Variants in C4orf36 observed in about 807,000 individuals in gnomAD.
The protein encoded by C4orf36 is chromosome 4 open reading frame 36.
Under a neutral mutation model 12.2 loss-of-function variants are expected in C4orf36, and 11 were observed. The observed-to-expected ratio is 0.90, with a 90% confidence interval of 0.57 to 1.49. The LOEUF (loss-of-function observed/expected upper bound fraction) is 1.49, where lower values mean the gene tolerates loss of function less well. Ranked by LOEUF, C4orf36 falls within the 40% of genes most tolerant of loss-of-function variation. The pLI is 0.00. For synonymous variants in C4orf36, 54 were observed against 51.3 expected (o/e 1.05, Z -0.22); for missense variants, 137 against 133.9 (o/e 1.02, Z -0.11).
chr4:86,883,774 T>C (rs1747100395), intron 4 of C4orf36, among the ~76,000 whole-genome samples: 1 of 152,186 alleles, frequency 6.6e-6, no homozygotes, highest in Non-Finnish European at 1.5e-5. Context: ...ACACCTGTAA[T>C]CCCAGCACTT....
chr4:86,878,156 G>C (rs1418844441), intron 4 of C4orf36, among the ~76,000 whole-genome samples: 5 of 151,944 alleles, frequency 3.3e-5, no homozygotes, highest in Non-Finnish European at 1.5e-5. Context: ...AATCAAACTG[G>C]AAGATTATCC....
rs34250498 is a variant in C4orf36 at position 86,891,293 on chromosome 4, CAAAAAA to C, written c.65+157_65+162del. 4.8e-3 allele frequency among the ~76,000 whole-genome samples: 573 copies of C among 118,944 alleles called. 6 individuals are homozygous for C. The highest frequency in any genetic ancestry group is 0.018 in the African/African-American group (556 of 31,704). 78.0% of individuals were successfully genotyped at this position (118,944 alleles called of 152,430 possible). ...ATAATTAACTTATAAAAGCAGTTGC[CAAAAAA>C]AAAAAAAAAAAAAATCAGATCCCAG... On this transcript the variant is annotated intron_variant, in intron 2 of 4. Coordinates refer to ENST00000295898, the MANE Select transcript of C4orf36 (RefSeq NM_144645.4).
At chr4:86,920,508 T>C in the C4orf36 span, among the ~76,000 whole-genome samples, 1 of 152,246 alleles carries the variant, frequency 6.6e-6, no homozygotes, top group South Asian at 2.1e-4. Flanking sequence ...TGTGCTGTTA[T>C]AATAGAATGC....
At chr4:86,894,144 A>G (rs564874477), upstream of C4orf36, among the ~76,000 whole-genome samples, 1 of 152,006 alleles carries the variant, frequency 6.6e-6, no homozygotes, top group Non-Finnish European at 1.5e-5. Flanking sequence ...TGATCCGCCC[A>G]CCTCGGCCTC....
chr4:86,901,604 G>A, the C4orf36 span, among the ~76,000 whole-genome samples: 262 of 151,624 alleles, frequency 1.7e-3, 4 homozygotes, highest in East Asian at 0.043. Context: ...GTAGAGATGG[G>A]GTTTCACCAT....
At chr4:86,907,870 G>A in the C4orf36 span, among the ~76,000 whole-genome samples, 1 of 151,754 alleles carries the variant, frequency 6.6e-6, no homozygotes, top group East Asian at 1.9e-4. Flanking sequence ...TCAGGAGGCT[G>A]AGGCAGGAGA....
At chr4:86,892,483 C>T, upstream of C4orf36, 1 of 982,836 alleles carries the variant, frequency 1.0e-6, no homozygotes, top group Admixed American at 6.1e-5. Flanking sequence ...TCCCCACCCG[C>T]CAGGGAGGGG....
At chr4:86,895,851 T>C (rs953672770), upstream of C4orf36, among the ~76,000 whole-genome samples, 2 of 152,122 alleles carry the variant, frequency 1.3e-5, no homozygotes, top group Non-Finnish European at 2.9e-5. Flanking sequence ...CATCTTTCTA[T>C]TAGGTAAGGC....
chr4:86,893,862 ATTTTTATTTATTTATT>A (rs1197892441), upstream of C4orf36, among the ~76,000 whole-genome samples: 24 of 138,572 alleles, frequency 1.7e-4, no homozygotes, highest in African/African-American at 5.3e-4. Context: ...TTTGGCCTGA[ATTTTTATTTATTTATT>A]TATTTATTTA....
chr4:86,893,346 G>T (rs1747500181), upstream of C4orf36, among the ~76,000 whole-genome samples: 1 of 152,222 alleles, frequency 6.6e-6, no homozygotes, highest in African/African-American at 2.4e-5. Flanking sequence ...CAATTTGGGA[G>T]GCCGAGAGGG....
At chr4:86,924,425 T>G in the C4orf36 span, among the ~76,000 whole-genome samples, 8 of 152,234 alleles carry the variant, frequency 5.3e-5, no homozygotes, top group Non-Finnish European at 1.5e-5. Flanking sequence ...GATTTTGAAC[T>G]CCTATCCTCA....
chr4:86,916,143 T>C, the C4orf36 span, among the ~76,000 whole-genome samples: 5 of 152,270 alleles, frequency 3.3e-5, no homozygotes, highest in African/African-American at 1.2e-4. Flanking sequence ...TGTACTTCCA[T>C]TGATTTATGT....
chr4:86,913,031 G>A, the C4orf36 span, among the ~76,000 whole-genome samples: 7 of 148,884 alleles, frequency 4.7e-5, no homozygotes, highest in Non-Finnish European at 8.9e-5. Context: ...ACTGCTTAAA[G>A]AAGCTTTGGT....
At chr4:86,926,430 T>C in the C4orf36 span, 1 of 152,228 alleles carries the variant, frequency 6.6e-6, no homozygotes. Context: ...GCATGCAATT[T>C]ATATAGCATT....
chr4:86,879,736 A>T (rs1747003253), intron 4 of C4orf36, among the ~76,000 whole-genome samples: 1 of 152,210 alleles, frequency 6.6e-6, no homozygotes, highest in Non-Finnish European at 1.5e-5. Context: ...AAAACACATT[A>T]TTATCAAACT....
the C4orf36 span, chr4:86,914,006 AC>A: frequency 1.9e-6 from 3 of 1,599,866 alleles, no homozygotes; most frequent in South Asian, 3.3e-5. Context: ...ATTTGAAGTC[AC>A]ATGATCCTGC....
the C4orf36 span, among the ~76,000 whole-genome samples, chr4:86,910,004 T>C: frequency 1.3e-5 from 2 of 151,860 alleles, no homozygotes; most frequent in African/African-American, 2.4e-5. Flanking sequence ...GCTTATCTCA[T>C]TGGACACAAG....
At chr4:86,902,908 G>A in the C4orf36 span, among the ~76,000 whole-genome samples, 1 of 151,908 alleles carries the variant, frequency 6.6e-6, no homozygotes, top group Non-Finnish European at 1.5e-5. Flanking sequence ...GCCAAACAGT[G>A]TAATAAAAAA....
At chr4:86,902,420 A>C in the C4orf36 span, among the ~76,000 whole-genome samples, 22 of 23,316 alleles carry the variant, frequency 9.4e-4, no homozygotes, top group Non-Finnish European at 2.7e-3. Context: ...GAGACTCTCA[A>C]AAAAAAAAAA....
Sources: gnomAD v4.1 joint callset for allele counts (sites outside exome capture counted in the v4.1 genomes callset) on GRCh38, gnomAD v4.1.1 for gene constraint, MANE v1.5 for transcripts, NCBI Gene and HGNC (gene_info 2026-07-23, HGNC 2026-07-21) for gene names.